The following EBF1 variants were observed in gnomAD, a reference collection of about 807,000 sequenced individuals.
The protein encoded by EBF1 is EBF transcription factor 1.
A neutral mutation model predicts 68.4 loss-of-function variants in EBF1; 10 were observed. The observed-to-expected ratio is 0.15, with a 90% CI of 0.09 to 0.25. EBF1 has a LOEUF of 0.25. Ranked by LOEUF, EBF1 falls within the 10% of genes least tolerant of loss-of-function variation. The probability of loss-of-function intolerance (pLI) is 1.00; values close to 1 mark genes in which losing one functional copy is unlikely to be tolerated. For synonymous variants in EBF1, 298 were observed against 299.8 expected, an observed-to-expected ratio of 0.99 and a Z score of 0.06; for missense variants, 509 against 794.4, an observed-to-expected ratio of 0.64 and a Z score of 4.32.
chr5:158,983,857 A>C (rs893789189), intron 6 of EBF1: 1 of 149,154 alleles, frequency 6.7e-6, no homozygotes, highest in African/African-American at 2.5e-5. Flanking sequence ...AGAGTATGTT[A>C]GTACTTTATC....
At chr5:158,891,348 G>A (rs1460880460) in intron 6 of EBF1, among the ~76,000 whole-genome samples, 1 of 152,122 alleles carries the variant, frequency 6.6e-6, no homozygotes, top group Non-Finnish European at 1.5e-5. Flanking sequence ...GTAACTGTAG[G>A]AAGAAGCTCA....
At chr5:158,911,050 T>A (rs1298096774) in intron 6 of EBF1, among the ~76,000 whole-genome samples, 1 of 152,022 alleles carries the variant, frequency 6.6e-6, no homozygotes, top group Non-Finnish European at 1.5e-5. Context: ...GCAGAGAGAA[T>A]TTCCTTCCCC....
intron 6 of EBF1, among the ~76,000 whole-genome samples, chr5:158,948,826 G>A (rs935495920): frequency 2.0e-5 from 3 of 152,156 alleles, no homozygotes; most frequent in Non-Finnish European, 4.4e-5. Context: ...GTCTGAATAC[G>A]CTTCAGCCGG....
chr5:159,091,809 C>T (rs904064360), intron 4 of EBF1, among the ~76,000 whole-genome samples: 2 of 152,218 alleles, frequency 1.3e-5, no homozygotes, highest in African/African-American at 4.8e-5. Flanking sequence ...GGACCCCCCA[C>T]TGTCCTGGGA....
In EBF1 at chr5:158,871,347, T is replaced by G. The variant is rs572456438; in HGVS notation, c.555-31237A>C. Among the ~76,000 whole-genome samples, 23 of 152,250 alleles carry G rather than the reference T, an allele frequency of 1.5e-4. No homozygotes were observed. The South Asian group carries it at 4.6e-3, about 30-fold the overall frequency. Reference sequence around the variant, plus strand: ...ATCTGCATGACCATCCCCTCCTGACTTAAAAAATAATAATTAAATAAAGTT... The same window carrying G: ...ATCTGCATGACCATCCCCTCCTGACGTAAAAAATAATAATTAAATAAAGTT... On this transcript the variant is annotated intron_variant, in intron 6 of 15. Coordinates refer to ENST00000313708, the MANE Select transcript of EBF1 (RefSeq NM_024007.5).
chr5:158,944,786 T>C (rs1273073994), intron 6 of EBF1, among the ~76,000 whole-genome samples: 3 of 152,240 alleles, frequency 2.0e-5, no homozygotes, highest in Non-Finnish European at 2.9e-5. Context: ...TGGGATCTCA[T>C]TGTGGTTTTG....
intron 6 of EBF1, among the ~76,000 whole-genome samples, chr5:158,849,435 T>C (rs1401981470): frequency 6.6e-6 from 1 of 152,084 alleles, no homozygotes; most frequent in Non-Finnish European, 1.5e-5. Flanking sequence ...ATCCCACTTA[T>C]CCCTCCAGGT....
intron 6 of EBF1, among the ~76,000 whole-genome samples, chr5:159,023,615 G>T (rs1178574842): frequency 2.6e-5 from 4 of 152,182 alleles, no homozygotes; most frequent in African/African-American, 9.7e-5. Flanking sequence ...GTAACATGCA[G>T]ATAGTGATTG....
intron 9 of EBF1, among the ~76,000 whole-genome samples, chr5:158,785,218 G>T (rs1026438793): frequency 6.6e-6 from 1 of 152,084 alleles, no homozygotes; most frequent in Non-Finnish European, 1.5e-5. Flanking sequence ...TTTTTAAAGA[G>T]ATACCAAGGT....
chr5:158,706,063 T>C (rs1302559978), intron 15 of EBF1, among the ~76,000 whole-genome samples: 1 of 152,202 alleles, frequency 6.6e-6, no homozygotes, highest in East Asian at 1.9e-4. Flanking sequence ...GGAGGTGTAC[T>C]GAGGGTGACA....
intron 15 of EBF1, 80 bp from the exon 16 acceptor site, chr5:158,699,222 A>C: frequency 6.9e-7 from 1 of 1,438,850 alleles, no homozygotes; most frequent in Non-Finnish European, 9.5e-7. Flanking sequence ...ACTAAAAAAA[A>C]AAAAACACCC....
intron 6 of EBF1, among the ~76,000 whole-genome samples, chr5:159,018,091 T>G (rs896468945): frequency 1.3e-5 from 2 of 150,954 alleles, no homozygotes; most frequent in Non-Finnish European, 2.9e-5. Context: ...CTTCTCTCTC[T>G]CCCTCACACT....
At chr5:158,866,963 T>C (rs1313091096) in intron 6 of EBF1, among the ~76,000 whole-genome samples, 1 of 148,238 alleles carries the variant, frequency 6.7e-6, no homozygotes, top group Non-Finnish European at 1.5e-5. Flanking sequence ...CATGCCAACA[T>C]ACACAGAGGC....
In EBF1 at chr5:158,800,134, A is replaced by G. The variant is rs188799361; in HGVS notation, c.779-3659T>C. Reference sequence around the variant, plus strand: ...AAAGAAATTATGGTATATTCACACGATAGAATACTAGGAGTGTCATTAAAA... The same window carrying G: ...AAAGAAATTATGGTATATTCACACGGTAGAATACTAGGAGTGTCATTAAAA... On this transcript the variant is annotated intron_variant, in intron 8 of 15. Transcript: ENST00000313708. 2.4e-3 allele frequency among the ~76,000 whole-genome samples: 361 copies of G among 152,316 alleles called. 2 individuals are homozygous for G. Among genetic ancestry groups the G allele is most frequent in the African/African-American group, 7.6e-3 (318 of 41,588 alleles).
At chr5:159,002,069 T>C (rs1349332638) in intron 6 of EBF1, among the ~76,000 whole-genome samples, 1 of 151,952 alleles carries the variant, frequency 6.6e-6, no homozygotes, top group African/African-American at 2.4e-5. Flanking sequence ...TTGTACATAA[T>C]CTCTGAAACT....
intron 6 of EBF1, among the ~76,000 whole-genome samples, chr5:158,891,650 A>G (rs1801207738): frequency 6.6e-6 from 1 of 152,048 alleles, no homozygotes; most frequent in Non-Finnish European, 1.5e-5. Context: ...ATGTGTATAT[A>G]TGTGTGTAAA....
chr5:158,935,733 C>T (rs563536894), intron 6 of EBF1, among the ~76,000 whole-genome samples: 1 of 152,248 alleles, frequency 6.6e-6, no homozygotes, highest in South Asian at 2.1e-4. Context: ...ACAACTCTCA[C>T]CCAAAAAAGT....
At chr5:159,049,122 A>G (rs1345969891) in intron 6 of EBF1, among the ~76,000 whole-genome samples, 1 of 152,196 alleles carries the variant, frequency 6.6e-6, no homozygotes, top group African/African-American at 2.4e-5. Context: ...AATATATTAA[A>G]TGCTACTTAA....
chr5:158,831,785 A>T (rs1033828329), intron 7 of EBF1, among the ~76,000 whole-genome samples: 4 of 152,180 alleles, frequency 2.6e-5, no homozygotes, highest in African/African-American at 2.4e-5. Flanking sequence ...TACAGGTATG[A>T]GCCACCGTGC....
Sources: allele counts gnomAD v4.1 joint callset (sites outside exome capture counted in the v4.1 genomes callset), GRCh38; gene constraint gnomAD v4.1.1; transcripts MANE v1.5; gene names NCBI Gene and HGNC (gene_info 2026-07-23, HGNC 2026-07-21).